Variants in PSD3 observed in about 807,000 individuals in gnomAD.
PSD3 encodes PH and SEC7 domain-containing protein 3.
PSD3 carries 49 observed loss-of-function variants against 105.5 expected under a neutral mutation model. The observed-to-expected ratio is 0.46, with a 90% CI of 0.37 to 0.59. The LOEUF (loss-of-function observed/expected upper bound fraction) is 0.59. Among genes scored for constraint, PSD3 ranks in the 20% least tolerant of loss-of-function variants. The pLI is 0.00. For synonymous variants in PSD3, 557 were observed against 457.8 expected, an observed-to-expected ratio of 1.22 and a Z score of -2.77; for missense variants, 1,561 against 1,263.8, an observed-to-expected ratio of 1.24 and a Z score of -3.57.
chr8:18,944,428 A>C (rs1822735149), intron 1 of PSD3, among the ~76,000 whole-genome samples: 2 of 152,060 alleles, frequency 1.3e-5, no homozygotes, highest in Admixed American at 1.3e-4. Flanking sequence ...AAAATTAGCC[A>C]GGTGTTGTGG....
chr8:19,019,162 G>A (rs1827277862), intron 1 of PSD3, among the ~76,000 whole-genome samples: 2 of 151,920 alleles, frequency 1.3e-5, no homozygotes, highest in South Asian at 4.2e-4. Context: ...TAAATGCCAA[G>A]CAAAAAAAAC....
chr8:18,731,625 C>A (rs1293523857), intron 9 of PSD3, among the ~76,000 whole-genome samples: 1 of 152,140 alleles, frequency 6.6e-6, no homozygotes, highest in Non-Finnish European at 1.5e-5. Context: ...AAAAATACTA[C>A]CTTGTGTGCT....
chr8:18,576,636 T>C (rs1585284408), intron 12 of PSD3, among the ~76,000 whole-genome samples: 3 of 152,100 alleles, frequency 2.0e-5, no homozygotes, highest in South Asian at 2.1e-4. Flanking sequence ...CAACTAGAGG[T>C]AGCATGACTA....
chr8:18,986,551 G>T (rs998994413), intron 1 of PSD3, among the ~76,000 whole-genome samples: 1 of 148,478 alleles, frequency 6.7e-6, no homozygotes, highest in African/African-American at 2.5e-5. Context: ...GAGATAAAAT[G>T]GTCTCAGCAA....
intron 9 of PSD3, among the ~76,000 whole-genome samples, chr8:18,669,943 T>C (rs1799684405): frequency 6.6e-6 from 1 of 152,206 alleles, no homozygotes; most frequent in Non-Finnish European, 1.5e-5. Flanking sequence ...AGTTATTTAT[T>C]TAGGCATCGT....
At chr8:18,575,316 A>G in intron 12 of PSD3, 31 bp from the exon 13 acceptor site, 7 of 1,526,370 alleles carry the variant, frequency 4.6e-6, no homozygotes, top group African/African-American at 1.4e-5. Flanking sequence ...AATAAAGGCA[A>G]AAATCACGAT....
chr8:18,844,586 T>A (rs1237742295), intron 4 of PSD3, among the ~76,000 whole-genome samples: 1 of 152,106 alleles, frequency 6.6e-6, no homozygotes, highest in Non-Finnish European at 1.5e-5. Context: ...GAAAACACAC[T>A]GATGCTAAAA....
chr8:18,725,254 T>C (rs1585739212), intron 9 of PSD3, among the ~76,000 whole-genome samples: 1 of 152,068 alleles, frequency 6.6e-6, no homozygotes, highest in Non-Finnish European at 1.5e-5. Context: ...ACTTAGAAAA[T>C]AGTAATCTTT....
chr8:18,824,397 G>C (rs1813011233), intron 4 of PSD3, among the ~76,000 whole-genome samples: 1 of 152,138 alleles, frequency 6.6e-6, no homozygotes, highest in Non-Finnish European at 1.5e-5. Flanking sequence ...CCAAAGTTCA[G>C]GTCTCAGCTC....
At chr8:19,066,855 C>T (rs985493853) in intron 1 of PSD3, among the ~76,000 whole-genome samples, 2 of 152,180 alleles carry the variant, frequency 1.3e-5, no homozygotes, top group Non-Finnish European at 2.9e-5. Context: ...GAAGCTTTTC[C>T]TAACCATGAA....
rs898285192 is a variant in PSD3, at chr8:18,531,035, T to C, written c.*4708A>G. 1 of 152,236 alleles carries C rather than the reference T, an allele frequency of 6.6e-6. No individual in the cohort carries two copies. The highest frequency in any genetic ancestry group is 1.5e-5 in the Non-Finnish European group (1 of 68,046). The allele number at this position is 152,236 out of a possible 1,614,324, so 9.4% of individuals were successfully genotyped here. A position where few individuals can be genotyped will look rare whatever the true frequency, so the allele number is the denominator to read the frequency against. On this transcript the variant is annotated 3_prime_UTR_variant, in exon 16 of 16. Coordinates refer to ENST00000327040, the MANE Select transcript of PSD3 (RefSeq NM_015310.4). Reference sequence around the variant, plus strand: ...CACTGATATGCAATCTACACACTGATGCATTTACATACATACAACTATAAA... The same window carrying C: ...CACTGATATGCAATCTACACACTGACGCATTTACATACATACAACTATAAA...
In PSD3 at chr8:18,771,524, T is replaced by C. The variant is rs539811965; in HGVS notation, c.2083-5986A>G. ...CCATTTTGAGTTCATTTTTGTACGA[T>C]AGAAAGCAGAGATTCAACTTCATTC... On this transcript the variant is annotated intron_variant, in intron 8 of 15. Transcript: ENST00000327040. Among the ~76,000 whole-genome samples the C allele has an allele frequency of 8.5e-5, 13 of 152,350 alleles. No homozygotes were observed. In the South Asian group the frequency reaches 1.9e-3, roughly 22 times the overall value.
At chr8:18,863,439 T>C (rs1482472057) in intron 4 of PSD3, among the ~76,000 whole-genome samples, 1 of 152,076 alleles carries the variant, frequency 6.6e-6, no homozygotes, top group Non-Finnish European at 1.5e-5. Flanking sequence ...CTGGGCTACA[T>C]GGGGAGGGGA....
At chr8:18,788,907 C>G (rs1809438156) in intron 8 of PSD3, among the ~76,000 whole-genome samples, 1 of 152,124 alleles carries the variant, frequency 6.6e-6, no homozygotes, top group African/African-American at 2.4e-5. Context: ...GTGTCCATTC[C>G]TTTTTAAATG....
chr8:18,804,228 A>C (rs760595069), intron 6 of PSD3: 10 of 266,272 alleles, frequency 3.8e-5, no homozygotes, highest in Non-Finnish European at 6.2e-5. Context: ...ATGCTCCAAA[A>C]TCTACAACAC....
At chr8:19,038,974 G>A (rs1828035960) in intron 1 of PSD3, among the ~76,000 whole-genome samples, 1 of 152,106 alleles carries the variant, frequency 6.6e-6, no homozygotes, top group Admixed American at 6.5e-5. Context: ...TGAAGTCTGG[G>A]TCCAAATCCA....
intron 1 of PSD3, among the ~76,000 whole-genome samples, chr8:19,082,675 T>C (rs1829679691): frequency 6.6e-6 from 1 of 152,174 alleles, no homozygotes. Flanking sequence ...AGGCTTCAGC[T>C]TATCCCCCGA....
chr8:19,081,182 C>T (rs958857960), intron 1 of PSD3, among the ~76,000 whole-genome samples: 5 of 152,266 alleles, frequency 3.3e-5, no homozygotes, highest in Non-Finnish European at 7.4e-5. Flanking sequence ...TAGAGCCGTC[C>T]GTTGGCACCA....
chr8:18,808,992 GC>G, intron 4 of PSD3: 1 of 1,309,332 alleles, frequency 7.6e-7, no homozygotes. Flanking sequence ...AATAAAAACA[GC>G]AGCCAGAACA....
Sources: allele counts gnomAD v4.1 joint callset (sites outside exome capture counted in the v4.1 genomes callset), GRCh38; gene constraint gnomAD v4.1.1; transcripts MANE v1.5; gene names NCBI Gene and HGNC (gene_info 2026-07-23, HGNC 2026-07-21).